Variants in PSIP1 observed in about 807,000 individuals in gnomAD.
PSIP1 encodes PC4 and SFRS1-interacting protein.
PSIP1 carries 19 observed loss-of-function variants against 74.7 expected under a neutral mutation model. That is an observed-to-expected ratio of 0.25 (90% confidence interval 0.18 to 0.37). PSIP1 has a LOEUF of 0.37. Ranked by LOEUF, PSIP1 falls within the 10% of genes least tolerant of loss-of-function variation. PSIP1 has a pLI of 1.00. For missense variants in PSIP1, 601 were observed against 614.3 expected, an observed-to-expected ratio of 0.98 and a Z score of 0.23; for synonymous variants, 222 against 195.3, an observed-to-expected ratio of 1.14 and a Z score of -1.14.
At chr9:15,509,287 T>A (rs375429280) in intron 2 of PSIP1, among the ~76,000 whole-genome samples, 1 of 152,218 alleles carries the variant, frequency 6.6e-6, no homozygotes, top group African/African-American at 2.4e-5. Context: ...TTGCAACATA[T>A]CTTAGGTCCT....
At chr9:15,505,755 T>G (rs1201794939) in intron 3 of PSIP1, 1 of 152,222 alleles carries the variant, frequency 6.6e-6, no homozygotes, top group African/African-American at 2.4e-5. Flanking sequence ...ATTAAAGACA[T>G]TGTGTGAAAG....
chr9:15,467,744 G>A (rs2035694244), intron 14 of PSIP1, among the ~76,000 whole-genome samples: 1 of 152,188 alleles, frequency 6.6e-6, no homozygotes, highest in South Asian at 2.1e-4. Context: ...GTACTAGCAG[G>A]ATTTAACTAC....
intron 3 of PSIP1, among the ~76,000 whole-genome samples, chr9:15,492,924 C>T (rs986454770): frequency 6.6e-6 from 1 of 152,188 alleles, no homozygotes; most frequent in Non-Finnish European, 1.5e-5. Flanking sequence ...CCCAACGCTG[C>T]ACGCAGCAGG....
Position 15,510,475 on chromosome 9 carries a change from G to A in PSIP1, c.-141-146C>T, listed in dbSNP as rs573816702. On this transcript the variant is annotated intron_variant, in intron 1 of 15. Transcript: ENST00000380733. Reference sequence around the variant, plus strand: ...TCCCCCGCCAGTGCGCTGCCTCCGCGCTGGAGCAGGTCCTCCACCCCGCCA... The same window carrying A: ...TCCCCCGCCAGTGCGCTGCCTCCGCACTGGAGCAGGTCCTCCACCCCGCCA... 1.2e-4 allele frequency: 47 copies of A among 386,194 alleles called. 3 individuals are homozygous for A. The South Asian group carries it at 2.0e-3, about 17-fold the overall frequency. The allele number at this position is 386,194 out of a possible 1,614,324, so 23.9% of individuals were successfully genotyped here. A position where few individuals can be genotyped will look rare whatever the true frequency, so the allele number is the denominator to read the frequency against.
intron 8 of PSIP1, among the ~76,000 whole-genome samples, chr9:15,476,881 A>G (rs1440697924): frequency 6.6e-6 from 1 of 152,186 alleles, no homozygotes; most frequent in Non-Finnish European, 1.5e-5. Flanking sequence ...GTCCGAAAGT[A>G]GGCTGAGAAA....
At chr9:15,474,268 G>C in intron 8 of PSIP1, 31 bp from the exon 9 acceptor site, 2 of 1,521,726 alleles carry the variant, frequency 1.3e-6, no homozygotes, top group Non-Finnish European at 1.8e-6. Context: ...ATGTATACTT[G>C]TCATTCAACT....
chr9:15,489,031 A>T (rs996724328), intron 4 of PSIP1, among the ~76,000 whole-genome samples: 8 of 152,100 alleles, frequency 5.3e-5, no homozygotes, highest in African/African-American at 1.9e-4. Flanking sequence ...AAAAAAATAA[A>T]TTTTTTCTAA....
intron 3 of PSIP1, among the ~76,000 whole-genome samples, chr9:15,494,565 C>CAAAAAAAAAAAAA (rs57170853): frequency 2.7e-5 from 1 of 37,530 alleles, no homozygotes. Flanking sequence ...AACTGCATCT[C>CAAAAAAAAAAAAA]AAAAAAAAAA....
chr9:15,510,250 G>A lies in PSIP1; in HGVS notation c.-62C>T. On this transcript the variant is annotated 5_prime_UTR_variant, in exon 2 of 16. Transcript: ENST00000380733. The stretch of plus-strand genomic sequence containing the variant: ...GGCGGCGAGGAGATGCGGCGGCGCG[G>A]GGATGCGGGCGGCGGACGCGGGCCC... 5 of 1,529,420 alleles carry A rather than the reference G, an allele frequency of 3.3e-6. No individual in the cohort carries two copies. Among genetic ancestry groups the A allele is most frequent in the Non-Finnish European group, 3.6e-6 (4 of 1,122,580 alleles). The allele number at this position is 1,529,420 out of a possible 1,614,324, so 94.7% of individuals were successfully genotyped here. A position where few individuals can be genotyped will look rare whatever the true frequency, so the allele number is the denominator to read the frequency against.
chr9:15,510,261 G>C lies in PSIP1; in HGVS notation c.-73C>G, dbSNP rs913695857. 1.4e-6 allele frequency: 2 copies of C among 1,408,876 alleles called. No individual in the cohort carries two copies. Among genetic ancestry groups the C allele is most frequent in the African/African-American group, 3.0e-5 (2 of 67,794 alleles). The allele number at this position is 1,408,876 out of a possible 1,614,324, so 87.3% of individuals were successfully genotyped here. A position where few individuals can be genotyped will look rare whatever the true frequency, so the allele number is the denominator to read the frequency against. Reference sequence around the variant, plus strand: ...GATGCGGCGGCGCGGGGATGCGGGCGGCGGACGCGGGCCCAGCTACCGGGC... The same window carrying C: ...GATGCGGCGGCGCGGGGATGCGGGCCGCGGACGCGGGCCCAGCTACCGGGC... On this transcript the variant is annotated 5_prime_UTR_variant, in exon 2 of 16. Coordinates refer to ENST00000380733, the MANE Select transcript of PSIP1 (RefSeq NM_033222.5).
intron 3 of PSIP1, among the ~76,000 whole-genome samples, chr9:15,500,926 A>T (rs964394196): frequency 3.9e-5 from 6 of 152,222 alleles, no homozygotes; most frequent in African/African-American, 1.4e-4. Flanking sequence ...ATACTACTAG[A>T]AGTCTTGGAA....
At chr9:15,481,819 A>G (rs1227965034) in intron 6 of PSIP1, among the ~76,000 whole-genome samples, 1 of 152,232 alleles carries the variant, frequency 6.6e-6, no homozygotes, top group Admixed American at 6.5e-5. Context: ...ACGTGTGTTC[A>G]TGACTATTAT....
chr9:15,510,198 G>A lies in PSIP1; in HGVS notation c.-10C>T, dbSNP rs1039330368. Reference sequence around the variant, plus strand: ...TGAAATCGCGAGTCATGTTTCGGGGGCGAGACCGGGGGTCCGAAGCCCGGG... The same window carrying A: ...TGAAATCGCGAGTCATGTTTCGGGGACGAGACCGGGGGTCCGAAGCCCGGG... On this transcript the variant is annotated 5_prime_UTR_variant, in exon 2 of 16. Transcript: ENST00000380733. 3.7e-6 allele frequency: 6 copies of A among 1,602,376 alleles called. No individual in the cohort carries two copies. Among genetic ancestry groups the A allele is most frequent in the Admixed American group, 1.7e-5 (1 of 59,086 alleles).
chr9:15,508,329 A>G (rs932361017), intron 2 of PSIP1, among the ~76,000 whole-genome samples: 6 of 152,218 alleles, frequency 3.9e-5, no homozygotes, highest in African/African-American at 1.2e-4. Flanking sequence ...TTGGACACAG[A>G]ATACACCAAC....
intron 3 of PSIP1, among the ~76,000 whole-genome samples, chr9:15,494,442 G>T (rs1326065009): frequency 1.8e-4 from 27 of 151,830 alleles, no homozygotes; most frequent in Admixed American, 1.8e-3. Context: ...GCACACACCT[G>T]TAATCCCAGC....
intron 3 of PSIP1, among the ~76,000 whole-genome samples, chr9:15,501,798 A>G (rs1172686356): frequency 1.3e-5 from 2 of 149,076 alleles, no homozygotes. Flanking sequence ...ACCCCTGCAG[A>G]TACCAAAATT....
At chr9:15,491,010 T>C (rs1166158262) in intron 3 of PSIP1, among the ~76,000 whole-genome samples, 2 of 152,184 alleles carry the variant, frequency 1.3e-5, no homozygotes, top group Admixed American at 1.3e-4. Context: ...ACACAACCAT[T>C]GCTCCTAGGG....
intron 3 of PSIP1, 79 bp downstream of exon 3, chr9:15,506,482 T>G: frequency 1.0e-6 from 1 of 996,348 alleles, no homozygotes; most frequent in Admixed American, 2.1e-5. Flanking sequence ...CGTTACGATT[T>G]CCCCCTTGAA....
intron 3 of PSIP1, among the ~76,000 whole-genome samples, chr9:15,500,716 T>C (rs1209110001): frequency 6.6e-6 from 1 of 152,186 alleles, no homozygotes; most frequent in African/African-American, 2.4e-5. Context: ...GCCTGTGATG[T>C]ATATTTAAAG....
Sources: allele counts gnomAD v4.1 joint callset (sites outside exome capture counted in the v4.1 genomes callset), GRCh38; gene constraint gnomAD v4.1.1; transcripts MANE v1.5; gene names NCBI Gene and HGNC (gene_info 2026-07-23, HGNC 2026-07-21).